The following CMIP variants were observed in gnomAD, a reference collection of about 807,000 sequenced individuals.
CMIP encodes the protein C-Maf-inducing protein.
A neutral mutation model predicts 97.3 loss-of-function variants in CMIP; 13 were observed. The observed-to-expected ratio is 0.13, with a 90% CI of 0.09 to 0.21. The LOEUF is 0.21. Ranked by LOEUF, CMIP falls within the 10% of genes least tolerant of loss-of-function variation. The pLI is 1.00. For missense variants in CMIP, 847 were observed against 1,024.9 expected, an observed-to-expected ratio of 0.83 and a Z score of 2.37; for synonymous variants, 538 against 436.3, an observed-to-expected ratio of 1.23 and a Z score of -2.91.
intron 1 of CMIP, among the ~76,000 whole-genome samples, chr16:81,489,358 T>C (rs1170625424): frequency 6.6e-6 from 1 of 152,208 alleles, no homozygotes; most frequent in Non-Finnish European, 1.5e-5. Context: ...GGGACTTTAC[T>C]TGCAGAGGCT....
At chr16:81,671,941 A>C (rs2092687062) in intron 8 of CMIP, 25 bp from the exon 9 acceptor site, 1 of 1,374,908 alleles carries the variant, frequency 7.3e-7, no homozygotes, top group African/African-American at 1.4e-5. Flanking sequence ...CAGGCTTCTC[A>C]CCCCAGCCCT....
chr16:81,618,130 A>C (rs1384375691), intron 2 of CMIP, among the ~76,000 whole-genome samples: 1 of 151,990 alleles, frequency 6.6e-6, no homozygotes, highest in African/African-American at 2.4e-5. Flanking sequence ...CTTGCCCCTA[A>C]CTTTGTGGTT....
Position 81,711,391 on chromosome 16 carries a change from A to G in CMIP, c.*1592A>G, listed in dbSNP as rs1005553173. 2 of 152,166 alleles carry G rather than the reference A, an allele frequency of 1.3e-5. No homozygotes were observed. Among genetic ancestry groups the G allele is most frequent in the Admixed American group, 6.6e-5 (1 of 15,240 alleles). The allele number at this position is 152,166 out of a possible 1,614,324, so 9.4% of individuals were successfully genotyped here. A position where few individuals can be genotyped will look rare whatever the true frequency, so the allele number is the denominator to read the frequency against. ...CATTTTTTTAAAAAAGGAAAAAAAA[A>G]AGAAACTGGGTTCCAGTCTTAATTC... On this transcript the variant is annotated 3_prime_UTR_variant, in exon 21 of 21. Coordinates refer to ENST00000537098, the MANE Select transcript of CMIP (RefSeq NM_198390.3).
chr16:81,608,513 A>C (rs369170677), intron 2 of CMIP, among the ~76,000 whole-genome samples: 1 of 152,100 alleles, frequency 6.6e-6, no homozygotes, highest in Non-Finnish European at 1.5e-5. Context: ...ACCTTTTACA[A>C]AATCTCATGG....
chr16:81,465,004 G>T (rs533697335), intron 1 of CMIP: 1 of 152,170 alleles, frequency 6.6e-6, no homozygotes, highest in African/African-American at 2.4e-5. Context: ...TGTGGGTAAC[G>T]CTCCTGTGAA....
At chr16:81,489,886 G>A (rs1052851630) in intron 1 of CMIP, among the ~76,000 whole-genome samples, 1 of 152,244 alleles carries the variant, frequency 6.6e-6, no homozygotes, top group East Asian at 1.9e-4. Context: ...ACCTTTTCTA[G>A]GGGTTCAGAA....
intron 1 of CMIP, chr16:81,476,476 T>G: frequency 1.3e-6 from 1 of 779,674 alleles, no homozygotes; most frequent in Non-Finnish European, 2.3e-6. Context: ...GCCCAAGGGC[T>G]CGCCGTTGAC....
intron 7 of CMIP, chr16:81,667,063 C>G (rs1427396747): frequency 1.3e-5 from 2 of 152,014 alleles, no homozygotes; most frequent in Non-Finnish European, 2.9e-5. Flanking sequence ...GCTCTTCACC[C>G]CAAATGCAGT....
intron 1 of CMIP, among the ~76,000 whole-genome samples, chr16:81,569,665 A>G (rs752646536): frequency 9.8e-5 from 15 of 152,362 alleles, no homozygotes; most frequent in African/African-American, 2.4e-4. Context: ...TACTTACACT[A>G]TGGCCAAAGT....
intron 1 of CMIP, among the ~76,000 whole-genome samples, chr16:81,550,758 T>G (rs1221712951): frequency 1.3e-5 from 2 of 152,028 alleles, no homozygotes; most frequent in Admixed American, 1.3e-4. Flanking sequence ...TCTGAAGTGA[T>G]GCCTGGTTAC....
At position 81,709,443 on chromosome 16, in the gene CMIP, G is replaced by A. The variant is rs567059720; in HGVS notation, c.2269-303G>A. On this transcript the variant is annotated intron_variant, in intron 20 of 20. Coordinates refer to ENST00000537098, the MANE Select transcript of CMIP (RefSeq NM_198390.3). ...GTTATCTGCCCACGGTCACGCAGCA[G>A]CAAGTGGCAGGGCCTGGATTCAAAC... Among the ~76,000 whole-genome samples the A allele has an allele frequency of 5.3e-5, 8 of 152,342 alleles. No homozygotes were observed. The East Asian group carries it at 5.8e-4, about 11-fold the overall frequency.
At chr16:81,545,368 G>A (rs987711006) in intron 1 of CMIP, among the ~76,000 whole-genome samples, 2 of 152,318 alleles carry the variant, frequency 1.3e-5, no homozygotes, top group South Asian at 2.1e-4. Flanking sequence ...GATGCTTCTC[G>A]CAGTGAAGGA....
intron 14 of CMIP, 100 bp downstream of exon 14, chr16:81,696,767 G>T: frequency 9.1e-7 from 1 of 1,102,912 alleles, no homozygotes; most frequent in Non-Finnish European, 1.3e-6. Flanking sequence ...GGCCAGCCCC[G>T]GAGTTTCCCG....
intron 1 of CMIP, among the ~76,000 whole-genome samples, chr16:81,489,580 C>T (rs373140214): frequency 6.6e-6 from 1 of 152,210 alleles, no homozygotes; most frequent in Non-Finnish European, 1.5e-5. Flanking sequence ...AGTGCAGGAA[C>T]CCAGCACACC....
intron 13 of CMIP, among the ~76,000 whole-genome samples, chr16:81,693,845 T>TGAGCTGGGATTCA (rs979014609): frequency 9.9e-5 from 15 of 152,220 alleles, no homozygotes; most frequent in Non-Finnish European, 1.8e-4. Context: ...GCAAGGAATC[T>TGAGCTGGGATTCA]GAGCTGGGAT....
intron 7 of CMIP, 45 bp from the exon 8 acceptor site, chr16:81,670,097 C>T (rs753759224): frequency 6.4e-7 from 1 of 1,562,260 alleles, no homozygotes; most frequent in South Asian, 1.2e-5. Flanking sequence ...GGGCTCCTGC[C>T]CTGCCTAGCA....
intron 1 of CMIP, among the ~76,000 whole-genome samples, chr16:81,482,356 C>G (rs1367759450): frequency 6.6e-6 from 1 of 152,144 alleles, no homozygotes; most frequent in Non-Finnish European, 1.5e-5. Flanking sequence ...CCTATCATAG[C>G]AGGGGAGAGT....
At chr16:81,622,264 A>G (rs1391156368) in intron 3 of CMIP, 3 of 152,176 alleles carry the variant, frequency 2.0e-5, no homozygotes, top group Non-Finnish European at 4.4e-5. Context: ...GAAATTTCTG[A>G]ATGTAGTAGA....
At chr16:81,696,831 C>G (rs1906784037) in intron 14 of CMIP, 164 bp downstream of exon 14, 2 of 652,322 alleles carry the variant, frequency 3.1e-6, no homozygotes, top group Non-Finnish European at 5.2e-6. Flanking sequence ...TGATGGTGAC[C>G]GTGACTGTCA....
Sources: allele counts gnomAD v4.1 joint callset (sites outside exome capture counted in the v4.1 genomes callset), GRCh38; gene constraint gnomAD v4.1.1; transcripts MANE v1.5; gene names NCBI Gene and HGNC (gene_info 2026-07-23, HGNC 2026-07-21).